Variants in CSMD1 observed in about 807,000 individuals in gnomAD.
CSMD1 encodes CUB and sushi domain-containing protein 1.
In CSMD1, 213 loss-of-function variants were observed where a neutral mutation model predicts 417.5. The ratio of observed to expected loss-of-function variants is 0.51; its 90% CI spans 0.46 to 0.57. The LOEUF (loss-of-function observed/expected upper bound fraction) is 0.57, where lower values mean the gene tolerates loss of function less well. Among genes scored for constraint, CSMD1 ranks in the 20% least tolerant of loss-of-function variants. CSMD1 has a pLI of 0.00. For synonymous variants in CSMD1, 2,862 were observed against 1,736.8 expected, an observed-to-expected ratio of 1.65 and a Z score of -16.11; for missense variants, 6,923 against 4,529.7, an observed-to-expected ratio of 1.53 and a Z score of -15.17.
intron 1 of CSMD1, among the ~76,000 whole-genome samples, chr8:4,701,397 G>A (rs1807537653): frequency 6.6e-6 from 1 of 151,454 alleles, no homozygotes. Context: ...CACCCAGGAT[G>A]CGTTCCCTTA....
chr8:3,484,618 G>A (rs1385695763), intron 11 of CSMD1, among the ~76,000 whole-genome samples: 1 of 152,168 alleles, frequency 6.6e-6, no homozygotes. Flanking sequence ...CTTTTGCCAT[G>A]TGTTGAAACC....
At chr8:4,019,097 T>C (rs1466789976) in intron 4 of CSMD1, among the ~76,000 whole-genome samples, 2 of 152,234 alleles carry the variant, frequency 1.3e-5, no homozygotes, top group Admixed American at 6.5e-5. Context: ...TCTGGACTAC[T>C]GCTAGATACA....
chr8:4,647,364 C>T lies in CSMD1; in HGVS notation c.86-9806G>A, dbSNP rs1393734308. 1.6e-4 allele frequency among the ~76,000 whole-genome samples: 16 copies of T among 100,464 alleles called. No homozygotes were observed. In the East Asian group the frequency reaches 1.9e-3, roughly 12 times the overall value. The allele number at this position is 100,464 out of a possible 152,430, so 65.9% of individuals were successfully genotyped here. A position where few individuals can be genotyped will look rare whatever the true frequency, so the allele number is the denominator to read the frequency against. ...CGTAGGTACGCGTGTGCCACGGCGGCCTGCTACGTAGGTACGCGTGTGCCA... is the reference window on the plus strand; with the variant it reads ...CGTAGGTACGCGTGTGCCACGGCGGTCTGCTACGTAGGTACGCGTGTGCCA... On this transcript the variant is annotated intron_variant, in intron 1 of 69. Transcript: ENST00000635120.
At chr8:4,242,664 A>G (rs890637525) in intron 3 of CSMD1, among the ~76,000 whole-genome samples, 3 of 152,174 alleles carry the variant, frequency 2.0e-5, no homozygotes, top group African/African-American at 7.2e-5. Flanking sequence ...CCCTCCTTCC[A>G]GGTTCACAGA....
intron 5 of CSMD1, among the ~76,000 whole-genome samples, chr8:3,868,447 A>G (rs1165184184): frequency 6.6e-6 from 1 of 152,148 alleles, no homozygotes; most frequent in Non-Finnish European, 1.5e-5. Context: ...AGCCGATCCC[A>G]TGCCACCTGC....
At chr8:3,309,177 C>A (rs369463798) in intron 23 of CSMD1, among the ~76,000 whole-genome samples, 83 of 152,278 alleles carry the variant, frequency 5.5e-4, no homozygotes, top group African/African-American at 2.0e-3. Flanking sequence ...ACAACCTAGA[C>A]CTCCAAGGAA....
At chr8:4,717,001 C>T (rs962028262) in intron 1 of CSMD1, among the ~76,000 whole-genome samples, 3 of 151,852 alleles carry the variant, frequency 2.0e-5, no homozygotes, top group Admixed American at 6.6e-5. Context: ...GTATAGAAGC[C>T]TGGGTTGATG....
intron 2 of CSMD1, among the ~76,000 whole-genome samples, chr8:4,632,476 C>A (rs1042842177): frequency 6.6e-6 from 1 of 152,154 alleles, no homozygotes; most frequent in African/African-American, 2.4e-5. Flanking sequence ...AGTACCATTG[C>A]ACTCCAGCCT....
At chr8:4,525,216 A>G (rs565234755) in intron 2 of CSMD1, among the ~76,000 whole-genome samples, 10 of 152,172 alleles carry the variant, frequency 6.6e-5, no homozygotes, top group Non-Finnish European at 1.2e-4. Flanking sequence ...CAAAAAAGGA[A>G]GAAGTGGTCC....
At chr8:4,141,629 C>A (rs1011165677) in intron 3 of CSMD1, among the ~76,000 whole-genome samples, 1 of 146,128 alleles carries the variant, frequency 6.8e-6, no homozygotes, top group Non-Finnish European at 1.5e-5. Context: ...TATATTTTCA[C>A]CCTAATTCAC....
intron 3 of CSMD1, among the ~76,000 whole-genome samples, chr8:4,139,220 T>C (rs1803626332): frequency 1.3e-5 from 2 of 152,218 alleles, no homozygotes; most frequent in African/African-American, 2.4e-5. Flanking sequence ...AAGAGTGTCC[T>C]AGTGGTGCTT....
At chr8:3,526,948 G>C (rs111862139) in intron 10 of CSMD1, among the ~76,000 whole-genome samples, 2 of 152,084 alleles carry the variant, frequency 1.3e-5, no homozygotes, top group African/African-American at 2.4e-5. Context: ...CTTTGTCAAT[G>C]AGTCTATGTT....
intron 5 of CSMD1, among the ~76,000 whole-genome samples, chr8:3,961,228 C>T (rs1400534888): frequency 2.0e-5 from 3 of 151,964 alleles, no homozygotes. Context: ...TTTTCTTTAC[C>T]AAGTAAGCTA....
intron 3 of CSMD1, among the ~76,000 whole-genome samples, chr8:4,048,187 G>C (rs906331261): frequency 2.0e-5 from 3 of 152,148 alleles, no homozygotes; most frequent in Non-Finnish European, 2.9e-5. Flanking sequence ...TGTTGGTGCT[G>C]TATGGATGTT....
intron 12 of CSMD1, among the ~76,000 whole-genome samples, chr8:3,427,355 G>A (rs942188312): frequency 1.3e-5 from 2 of 152,040 alleles, no homozygotes; most frequent in African/African-American, 2.4e-5. Flanking sequence ...TTTTCTTCAA[G>A]TCAAAACTTC....
At chr8:3,423,709 C>A (rs1165748247) in intron 12 of CSMD1, among the ~76,000 whole-genome samples, 2 of 152,140 alleles carry the variant, frequency 1.3e-5, no homozygotes, top group Non-Finnish European at 2.9e-5. Context: ...CATCCCAGGT[C>A]TTTGTGTGGA....
intron 5 of CSMD1, among the ~76,000 whole-genome samples, chr8:3,758,824 T>G (rs1356697269): frequency 6.6e-6 from 1 of 152,048 alleles, no homozygotes; most frequent in Non-Finnish European, 1.5e-5. Context: ...CTTACTGAGC[T>G]TGGGATGGGG....
chr8:3,369,606 C>G (rs1809820743), intron 18 of CSMD1, among the ~76,000 whole-genome samples: 1 of 152,158 alleles, frequency 6.6e-6, no homozygotes, highest in Non-Finnish European at 1.5e-5. Flanking sequence ...TAAGGCACAG[C>G]AGGAGAGCTG....
intron 1 of CSMD1, among the ~76,000 whole-genome samples, chr8:4,652,331 G>C (rs1233217123): frequency 6.6e-6 from 1 of 152,142 alleles, no homozygotes; most frequent in Non-Finnish European, 1.5e-5. Flanking sequence ...TTAGTCTAAT[G>C]TATTAGCATC....
Sources: gnomAD v4.1 joint callset for allele counts (sites outside exome capture counted in the v4.1 genomes callset) on GRCh38, gnomAD v4.1.1 for gene constraint, MANE v1.5 for transcripts, NCBI Gene and HGNC (gene_info 2026-07-23, HGNC 2026-07-21) for gene names.